Variants in KCNQ1 observed in about 807,000 individuals in gnomAD.
The protein encoded by KCNQ1 is potassium voltage-gated channel subfamily Q member 1, also known as potassium voltage-gated channel subfamily KQT member 1.
In KCNQ1, 49 loss-of-function variants were observed where a neutral mutation model predicts 72.4. The ratio of observed to expected loss-of-function variants is 0.68; its 90% CI spans 0.54 to 0.86. The LOEUF (loss-of-function observed/expected upper bound fraction) is 0.86. KCNQ1 is among the 40% of genes least tolerant of loss of function. The pLI, the probability that KCNQ1 is intolerant of heterozygous loss-of-function variation, is 0.00. For synonymous variants in KCNQ1, 450 were observed against 412.6 expected (o/e 1.09, Z -1.10); for missense variants, 790 against 945.1 (o/e 0.84, Z 2.15).
intron 10 of KCNQ1, chr11:2,630,066 G>T (rs1392493795): frequency 5.0e-6 from 2 of 398,032 alleles, no homozygotes; most frequent in Admixed American, 4.4e-5. Flanking sequence ...TTCATATATG[G>T]CCTTTATTGT....
chr11:2,590,595 G>A (rs554869318), intron 10 of KCNQ1, among the ~76,000 whole-genome samples: 89 of 152,256 alleles, frequency 5.8e-4, no homozygotes, highest in Non-Finnish European at 1.2e-3. Context: ...ACTTGCTGTT[G>A]TCCAGACAGA....
chr11:2,564,549 G>C lies in KCNQ1; in HGVS notation c.478-6079G>C, dbSNP rs1439280531. On this transcript the variant is annotated intron_variant, in intron 2 of 15. Coordinates refer to ENST00000155840, the MANE Select transcript of KCNQ1 (RefSeq NM_000218.3). The surrounding 1 kb of genome is among the most constrained non-coding windows in gnomAD (Gnocchi z 4.5). Reference sequence around the variant, plus strand: ...GGCAGAGGTTGCAGTGAGCTGAGATGGTGCCACTGCACTCCTGCCTGGGCA... The same window carrying C: ...GGCAGAGGTTGCAGTGAGCTGAGATCGTGCCACTGCACTCCTGCCTGGGCA... Among the ~76,000 whole-genome samples, 1 of 152,136 alleles carries C rather than the reference G, an allele frequency of 6.6e-6. No homozygotes were observed. The highest frequency in any genetic ancestry group is 1.5e-5 in the Non-Finnish European group (1 of 68,034).
intron 10 of KCNQ1, among the ~76,000 whole-genome samples, chr11:2,605,610 G>A (rs529946322): frequency 1.3e-5 from 2 of 152,286 alleles, no homozygotes; most frequent in East Asian, 1.9e-4. Context: ...ATATGGCTCC[G>A]TTTTTACACT....
Position 2,657,777 on chromosome 11 carries a change from CTT to C in KCNQ1, c.1394-4181_1394-4180del. The C allele has an allele frequency of 7.5e-6, 3 of 398,548 alleles. No individual in the cohort carries two copies. Among genetic ancestry groups the C allele is most frequent in the Non-Finnish European group, 1.3e-5 (3 of 226,052 alleles). 24.7% of individuals were successfully genotyped at this position (398,548 alleles called of 1,614,324 possible). A position where few individuals can be genotyped will look rare whatever the true frequency, so the allele number is the denominator to read the frequency against. Reference sequence around the variant, plus strand: ...AGTCTTGTTCTTCATTAACTTGACACTTTTGAAGAATACCAGTCAGGTGTCAT... The same window carrying C: ...AGTCTTGTTCTTCATTAACTTGACACTTGAAGAATACCAGTCAGGTGTCAT... On this transcript the variant is annotated intron_variant, in intron 10 of 15. Transcript: ENST00000155840. This position sits in a 1 kb window ranked among gnomAD's most constrained non-coding sequence, Gnocchi z 4.8.
At chr11:2,630,895 T>G in intron 10 of KCNQ1, 1 of 398,558 alleles carries the variant, frequency 2.5e-6, no homozygotes, top group Non-Finnish European at 4.4e-6. Context: ...GAACTTTGAA[T>G]ATATAATCCT....
chr11:2,840,517 A>AAAACAAAGT (rs3216308), intron 15 of KCNQ1: 3 of 151,870 alleles, frequency 2.0e-5, no homozygotes, highest in African/African-American at 7.3e-5. Context: ...CACAAATCAA[A>AAAACAAAGT]AAAGTATTAG....
intron 10 of KCNQ1, among the ~76,000 whole-genome samples, chr11:2,606,394 G>C (rs1416816723): frequency 6.6e-6 from 1 of 152,132 alleles, no homozygotes; most frequent in East Asian, 1.9e-4. Context: ...ATCATGGACG[G>C]AGCCCTCGTG....
intron 2 of KCNQ1, among the ~76,000 whole-genome samples, chr11:2,548,106 C>T (rs149079367): frequency 6.6e-6 from 1 of 152,252 alleles, no homozygotes; most frequent in East Asian, 1.9e-4. Flanking sequence ...TCAGACTTAA[C>T]GCCGCCCCTC....
rs551147868 is a variant in KCNQ1 at position 2,584,032 on chromosome 11, G to A, written c.1032+487G>A. 1.1e-3 allele frequency among the ~76,000 whole-genome samples: 173 copies of A among 152,038 alleles called. 1 individual carries two copies. The highest frequency in any genetic ancestry group is 2.1e-3 in the Non-Finnish European group (141 of 68,010). ...GCGTATGTGCATAATATGTGTTTGTGTTGTGTGTGTATAATTTTATGTTAC... is the reference window on the plus strand; with the variant it reads ...GCGTATGTGCATAATATGTGTTTGTATTGTGTGTGTATAATTTTATGTTAC... On this transcript the variant is annotated intron_variant, in intron 7 of 15. Coordinates refer to ENST00000155840, the MANE Select transcript of KCNQ1 (RefSeq NM_000218.3).
At chr11:2,831,709 G>GCCCTC (rs1253244767) in intron 15 of KCNQ1, among the ~76,000 whole-genome samples, 17 of 110,552 alleles carry the variant, frequency 1.5e-4, no homozygotes, top group Non-Finnish European at 2.8e-4. Flanking sequence ...TCTCCCCGCT[G>GCCCTC]CCCTCCCCTC....
intron 10 of KCNQ1, chr11:2,638,430 A>T (rs1344358148): frequency 6.6e-6 from 1 of 152,150 alleles, no homozygotes; most frequent in Non-Finnish European, 1.5e-5. Flanking sequence ...TCCTTCACTT[A>T]TGAAGCTTAG....
intron 11 of KCNQ1, chr11:2,667,333 G>C: frequency 2.5e-6 from 1 of 398,652 alleles, no homozygotes. Context: ...AAAGCAGTGA[G>C]GCTTCTCATT....
Position 2,668,022 on chromosome 11 carries a change from C to T in KCNQ1, c.1514+5941C>T, listed in dbSNP as rs1850114676. 1.0e-5 allele frequency: 4 copies of T among 398,496 alleles called. No homozygotes were observed. Among genetic ancestry groups the T allele is most frequent in the Non-Finnish European group, 8.8e-6 (2 of 226,072 alleles). The allele number at this position is 398,496 out of a possible 1,614,324, so 24.7% of individuals were successfully genotyped here. A position where few individuals can be genotyped will look rare whatever the true frequency, so the allele number is the denominator to read the frequency against. On this transcript the variant is annotated intron_variant, in intron 11 of 15. Transcript: ENST00000155840. This position sits in a 1 kb window ranked among gnomAD's most constrained non-coding sequence, Gnocchi z 4.3. Reference sequence around the variant, plus strand: ...GATTAACCACAGGCCTAACTGCTAGCAGCAAGGACCAGCTTTGCCCACATT... The same window carrying T: ...GATTAACCACAGGCCTAACTGCTAGTAGCAAGGACCAGCTTTGCCCACATT...
intron 11 of KCNQ1, chr11:2,684,561 A>G: frequency 2.5e-6 from 1 of 398,672 alleles, no homozygotes; most frequent in African/African-American, 2.1e-5. Context: ...TCCATGTCCC[A>G]TAAATGACTT....
At chr11:2,514,311 T>C (rs1847254956) in intron 1 of KCNQ1, among the ~76,000 whole-genome samples, 1 of 152,224 alleles carries the variant, frequency 6.6e-6, no homozygotes, top group South Asian at 2.1e-4. Flanking sequence ...TCCCAGATCC[T>C]GGGGCTGCCC....
chr11:2,681,802 C>G (rs1850403022), intron 11 of KCNQ1: 2 of 398,548 alleles, frequency 5.0e-6, no homozygotes, highest in Non-Finnish European at 4.4e-6. Flanking sequence ...ACAGTCCCTG[C>G]CTTCTCAGGT....
chr11:2,830,262 G>C lies in KCNQ1; in HGVS notation c.1795-17505G>C, dbSNP rs915483557. 6.6e-6 allele frequency among the ~76,000 whole-genome samples: 1 copy of C among 152,024 alleles called. No individual in the cohort carries two copies. Among genetic ancestry groups the C allele is most frequent in the Non-Finnish European group, 1.5e-5 (1 of 67,982 alleles). ...TGGGGCTGGGGCTGTGCAGGATAAGGCCAGTGAGAGAAGAGGACTCACTGG... is the reference window on the plus strand; with the variant it reads ...TGGGGCTGGGGCTGTGCAGGATAAGCCCAGTGAGAGAAGAGGACTCACTGG... On this transcript the variant is annotated intron_variant, in intron 15 of 15. Transcript: ENST00000155840. This position sits in a 1 kb window ranked among gnomAD's most constrained non-coding sequence, Gnocchi z 7.7.
chr11:2,646,361 T>C (rs1849665594), intron 10 of KCNQ1: 2 of 398,640 alleles, frequency 5.0e-6, no homozygotes, highest in South Asian at 1.3e-4. Flanking sequence ...AAAAATTTTG[T>C]AGCCTCTTCA....
Position 2,567,755 on chromosome 11 carries a change from A to C in KCNQ1, c.478-2873A>C, listed in dbSNP as rs1007624907. ...ATCAGTGTTGTTTTTAATCATTCCT[A>C]CCACCTTGTCCCACAGGCAGGAGTC... is the stretch of plus-strand genomic sequence containing the variant. On this transcript the variant is annotated intron_variant, in intron 2 of 15. Coordinates refer to ENST00000155840, the MANE Select transcript of KCNQ1 (RefSeq NM_000218.3). This position sits in a 1 kb window ranked among gnomAD's most constrained non-coding sequence, Gnocchi z 6.6. 6.6e-6 allele frequency among the ~76,000 whole-genome samples: 1 copy of C among 152,064 alleles called. No homozygotes were observed. The highest frequency in any genetic ancestry group is 2.4e-5 in the African/African-American group (1 of 41,392).
Sources: allele counts gnomAD v4.1 joint callset (sites outside exome capture counted in the v4.1 genomes callset), GRCh38; gene constraint gnomAD v4.1.1; non-coding constraint Gnocchi (gnomAD v3.1); transcripts MANE v1.5; gene names NCBI Gene and HGNC (gene_info 2026-07-23, HGNC 2026-07-21).